The following CD2 variants were observed in gnomAD, a reference collection of about 807,000 sequenced individuals.
CD2 encodes T-cell surface antigen CD2.
CD2 carries 18 observed loss-of-function variants against 23.2 expected under a neutral mutation model. The observed-to-expected ratio is 0.77, with a 90% confidence interval of 0.54 to 1.15. CD2 has a LOEUF of 1.15. Among genes scored for constraint, CD2 ranks in the 50% most tolerant of loss-of-function variants. CD2 has a pLI of 0.00. For missense variants in CD2, 424 were observed against 423.1 expected (o/e 1.00, Z -0.02); for synonymous variants, 162 against 151.9 (o/e 1.07, Z -0.49).
In CD2 at chr1:116,768,653, A is replaced by C; in HGVS notation, c.926A>C (p.Gln309Pro). Reference protein sequence around the residue: ...PPGHRVQHQPQKRPPAPSGTQ... With the variant: ...PPGHRVQHQPPKRPPAPSGTQ... ...GGACACCGTGTTCAGCACCAGCCTC[A>C]GAAGAGGCCTCCTGCTCCGTCGGGC... Residue 309 changes from glutamine to proline, a missense_variant, in exon 5 of 5, where the codon CAG (glutamine) becomes CCG (proline). Physicochemically the swap from Gln to Pro is moderately conservative, Grantham distance 76. Coordinates refer to ENST00000369478, the MANE Select transcript of CD2 (RefSeq NM_001767.5). 6.2e-7 allele frequency: 1 copy of C among 1,614,130 alleles called. No individual in the cohort carries two copies. Among genetic ancestry groups the C allele is most frequent in the South Asian group, 1.1e-5 (1 of 91,070 alleles).
intron 2 of CD2, among the ~76,000 whole-genome samples, chr1:116,760,067 T>C (rs1012151993): frequency 6.6e-6 from 1 of 152,216 alleles, no homozygotes; most frequent in Non-Finnish European, 1.5e-5. Flanking sequence ...GCCTTGAACA[T>C]TTTGTCTGTA....
rs768911017 is a variant in CD2, at chr1:116,760,394, C to CT, written c.383-3dup. 1 of 1,609,296 alleles carries CT rather than the reference C, an allele frequency of 6.2e-7. No homozygotes were observed. The highest frequency in any genetic ancestry group is 8.5e-7 in the Non-Finnish European group (1 of 1,176,220). On this transcript the variant is annotated splice_polypyrimidine_tract_variant and splice_region_variant and intron_variant, in intron 2 of 4. Transcript: ENST00000369478. ...CTAAATTGAACTGAATCTTTACTTTCTTTTTAGAGAGGGTCTCAAAACCAA... is the reference window on the plus strand; with the variant it reads ...CTAAATTGAACTGAATCTTTACTTTCTTTTTTAGAGAGGGTCTCAAAACCAA...
intron 3 of CD2, among the ~76,000 whole-genome samples, chr1:116,761,226 G>A (rs1413028363): frequency 6.6e-6 from 1 of 152,180 alleles, no homozygotes; most frequent in African/African-American, 2.4e-5. Context: ...TGGATCCCCA[G>A]TGTCCCAGCC....
At chr1:116,766,885 C>A (rs1319210933) in intron 4 of CD2, among the ~76,000 whole-genome samples, 1 of 151,778 alleles carries the variant, frequency 6.6e-6, no homozygotes, top group South Asian at 2.1e-4. Context: ...AAATAAAAAA[C>A]AAAAATAGTG....
chr1:116,757,660 C>T (rs1371181523), intron 2 of CD2, among the ~76,000 whole-genome samples: 2 of 151,708 alleles, frequency 1.3e-5, no homozygotes, highest in African/African-American at 4.9e-5. Context: ...AAGAAAAGAA[C>T]TTCATAATAT....
At chr1:116,767,740 G>GTGCT (rs1652260265) in intron 4 of CD2, among the ~76,000 whole-genome samples, 1 of 152,140 alleles carries the variant, frequency 6.6e-6, no homozygotes, top group Admixed American at 6.5e-5. Flanking sequence ...GGCCAGCAGG[G>GTGCT]TGCTCCAGGC....
chr1:116,756,268 A>T (rs1651845985), intron 2 of CD2, among the ~76,000 whole-genome samples: 1 of 152,202 alleles, frequency 6.6e-6, no homozygotes, highest in African/African-American at 2.4e-5. Context: ...TCCAAACAGC[A>T]CAAAACTCGA....
chr1:116,768,379 T>G (rs543762110), intron 4 of CD2, 85 bp from the exon 5 acceptor site: 5 of 1,298,802 alleles, frequency 3.8e-6, no homozygotes, highest in Non-Finnish European at 4.2e-6. Context: ...GCAGCTAGCA[T>G]GGCGCCTTGC....
chr1:116,765,618 C>A (rs573215453), intron 4 of CD2, among the ~76,000 whole-genome samples: 1 of 152,204 alleles, frequency 6.6e-6, no homozygotes. Context: ...TTCTTCCCAC[C>A]ACGACTGTCC....
intron 3 of CD2, 161 bp from the exon 4 acceptor site, chr1:116,764,315 CTTCCAGGG>C: frequency 1.6e-6 from 1 of 618,792 alleles, no homozygotes; most frequent in Non-Finnish European, 2.0e-6. Context: ...ACCTTGGGTC[CTTCCAGGG>C]TTGACACCAC....
At chr1:116,763,501 T>A (rs962175219) in intron 3 of CD2, among the ~76,000 whole-genome samples, 1 of 152,222 alleles carries the variant, frequency 6.6e-6, no homozygotes, top group Non-Finnish European at 1.5e-5. Context: ...GAACCCCTCC[T>A]GTTTCCCCTG....
Position 116,754,551 on chromosome 1 carries a change from A to G in CD2, c.59A>G (p.Lys20Arg), listed in dbSNP as rs1651771652. The G allele has an allele frequency of 6.2e-7, 1 of 1,613,868 alleles. No homozygotes were observed. Among genetic ancestry groups the G allele is most frequent in the Non-Finnish European group, 8.5e-7 (1 of 1,179,976 alleles). ...CTTCTGATTTTCAATGTTTCTTCCA[A>G]AGGTAAGCATAAGAGTCAAAGAAGT... ...SFLLIFNVSS[K>R]GAVSKEITNA... Residue 20 changes from lysine (K) to arginine (R), a missense_variant and splice_region_variant, in exon 1 of 5, where the codon AAA (lysine) becomes AGA (arginine). Lys to Arg is a conservative substitution (Grantham distance 26). Coordinates refer to ENST00000369478, the MANE Select transcript of CD2 (RefSeq NM_001767.5).
In CD2 at chr1:116,760,439, C is replaced by T. The variant is rs749724591; in HGVS notation, c.420C>T (p.Ile140=). 1 of 1,614,148 alleles carries T rather than the reference C, an allele frequency of 6.2e-7. No individual in the cohort carries two copies. The highest frequency in any genetic ancestry group is 8.5e-7 in the Non-Finnish European group (1 of 1,180,024). The change falls in exon 3 of 5, where the codon ATC becomes ATT. Residue 140 remains isoleucine (I), a synonymous_variant. Transcript: ENST00000369478. ...VSKPKISWTC[I]NTTLTCEVMN... The stretch of plus-strand genomic sequence containing the variant: ...AACCAAAGATCTCCTGGACTTGTAT[C>T]AACACAACCCTGACCTGTGAGGTAA...
chr1:116,761,180 C>T (rs1557917387), intron 3 of CD2, among the ~76,000 whole-genome samples: 1 of 152,178 alleles, frequency 6.6e-6, no homozygotes, highest in Non-Finnish European at 1.5e-5. Context: ...GGCTTGGGGA[C>T]TAGCTCCAGA....
At position 116,760,416 on chromosome 1, in the gene CD2, C is replaced by T. The variant is rs753814547; in HGVS notation, c.397C>T (p.Pro133Ser). 2 of 1,613,798 alleles carry T rather than the reference C, an allele frequency of 1.2e-6. No individual in the cohort carries two copies. Among genetic ancestry groups the T allele is most frequent in the Non-Finnish European group, 1.7e-6 (2 of 1,179,912 alleles). ...DLKIQERVSK[P>S]KISWTCINTT... The stretch of plus-strand genomic sequence containing the variant: ...TTTCTTTTTAGAGAGGGTCTCAAAA[C>T]CAAAGATCTCCTGGACTTGTATCAA... The change falls in exon 3 of 5, where the codon CCA (proline) becomes TCA (serine). Residue 133 changes from proline (P) to serine (S), a missense_variant. Transcript: ENST00000369478.
chr1:116,768,660 G>A lies in CD2; in HGVS notation c.933G>A (p.Arg311=). Reference sequence around the variant, plus strand: ...GTGTTCAGCACCAGCCTCAGAAGAGGCCTCCTGCTCCGTCGGGCACACAAG... The same window carrying A: ...GTGTTCAGCACCAGCCTCAGAAGAGACCTCCTGCTCCGTCGGGCACACAAG... ...GHRVQHQPQK[R]PPAPSGTQVH... The change falls in exon 5 of 5, where the codon AGG becomes AGA. Residue 311 remains arginine, a synonymous_variant. Coordinates refer to ENST00000369478, the MANE Select transcript of CD2 (RefSeq NM_001767.5). 6.2e-7 allele frequency: 1 copy of A among 1,614,036 alleles called. No homozygotes were observed. Among genetic ancestry groups the A allele is most frequent in the Non-Finnish European group, 8.5e-7 (1 of 1,180,018 alleles).
At chr1:116,758,599 C>T (rs1460945829) in intron 2 of CD2, among the ~76,000 whole-genome samples, 1 of 152,252 alleles carries the variant, frequency 6.6e-6, no homozygotes, top group Non-Finnish European at 1.5e-5. Context: ...TGAAAAGAGC[C>T]TCTGATTATG....
Position 116,768,742 on chromosome 1 carries a change from C to A in CD2, c.1015C>A (p.His339Asn), listed in dbSNP as rs35880225. The stretch of plus-strand genomic sequence containing the variant: ...ACCTCGAGTTCAGCCAAAACCTCCC[C>A]ATGGGGCAGCAGAAAACTCATTGTC... The part of the protein sequence containing the change: ...PRPRVQPKPP[H>N]GAAENSLSPS... Residue 339 changes from histidine to asparagine, a missense_variant, in exon 5 of 5, where the codon CAT (histidine) becomes AAT (asparagine). Coordinates refer to ENST00000369478, the MANE Select transcript of CD2 (RefSeq NM_001767.5). The A allele has an allele frequency of 2.0e-4, 318 of 1,614,026 alleles. No individual in the cohort carries two copies. In the African/African-American group the frequency reaches 3.1e-3, roughly 16 times the overall value.
rs768312834 is a variant in CD2, at chr1:116,754,766, A to C, written c.197A>C (p.Lys66Thr). The C allele has an allele frequency of 1.2e-6, 2 of 1,613,754 alleles. No individual in the cohort carries two copies. Among genetic ancestry groups the C allele is most frequent in the Non-Finnish European group, 1.7e-6 (2 of 1,179,858 alleles). Reference sequence around the variant, plus strand: ...AAATGGGAAAAAACTTCAGACAAGAAAAAGATTGCACAATTCAGAAAAGAG... The same window carrying C: ...AAATGGGAAAAAACTTCAGACAAGACAAAGATTGCACAATTCAGAAAAGAG... The part of the protein sequence containing the change: ...DIKWEKTSDK[K>T]KIAQFRKEKE... Residue 66 changes from lysine to threonine, a missense_variant, in exon 2 of 5, where the codon AAA becomes ACA. Coordinates refer to ENST00000369478, the MANE Select transcript of CD2 (RefSeq NM_001767.5).
Sources: allele counts gnomAD v4.1 joint callset (sites outside exome capture counted in the v4.1 genomes callset), GRCh38; gene constraint gnomAD v4.1.1; transcripts MANE v1.5; gene names NCBI Gene and HGNC (gene_info 2026-07-23, HGNC 2026-07-21).